Variants in NKAIN2 observed in about 807,000 individuals in gnomAD.
NKAIN2 encodes the protein sodium/potassium transporting ATPase interacting 2, also known as sodium/potassium-transporting ATPase subunit beta-1-interacting protein 2.
NKAIN2 carries 14 observed loss-of-function variants against 32.6 expected under a neutral mutation model. That is an observed-to-expected ratio of 0.43 (90% CI 0.28 to 0.67). The LOEUF is 0.67. NKAIN2 is among the 30% of genes least tolerant of loss of function. NKAIN2 has a pLI of 0.17. For synonymous variants in NKAIN2, 80 were observed against 87.2 expected (o/e 0.92, Z 0.46); for missense variants, 198 against 258.3 (o/e 0.77, Z 1.60).
At chr6:123,870,767 A>G (rs770040786) in intron 1 of NKAIN2, among the ~76,000 whole-genome samples, 2 of 152,144 alleles carry the variant, frequency 1.3e-5, no homozygotes, top group African/African-American at 2.4e-5. Context: ...AAAATATTCT[A>G]CTGTTTTCAG....
chr6:124,744,587 C>G (rs1777370939), intron 4 of NKAIN2, among the ~76,000 whole-genome samples: 1 of 151,662 alleles, frequency 6.6e-6, no homozygotes, highest in African/African-American at 2.4e-5. Context: ...GTAGTGAACA[C>G]CAGATATTTC....
intron 1 of NKAIN2, among the ~76,000 whole-genome samples, chr6:123,911,810 TATACACACACACACACAC>T (rs1775212638): frequency 1.1e-5 from 1 of 94,312 alleles, no homozygotes; most frequent in African/African-American, 5.6e-5. Context: ...TGTATATATA[TATACACACACACACACAC>T]ACACACACAC....
At chr6:124,535,528 C>G (rs527926332) in intron 3 of NKAIN2, among the ~76,000 whole-genome samples, 3 of 152,178 alleles carry the variant, frequency 2.0e-5, no homozygotes, top group Non-Finnish European at 4.4e-5. Flanking sequence ...ACAAAGCCAA[C>G]GACTTCCTTT....
At chr6:124,803,789 C>G (rs921518621) in intron 5 of NKAIN2, among the ~76,000 whole-genome samples, 1 of 152,098 alleles carries the variant, frequency 6.6e-6, no homozygotes, top group African/African-American at 2.4e-5. Context: ...ACTCTCCTAG[C>G]CTTGGAAATG....
chr6:123,914,461 C>T (rs879456207), intron 1 of NKAIN2, among the ~76,000 whole-genome samples: 11 of 152,060 alleles, frequency 7.2e-5, no homozygotes, highest in African/African-American at 2.2e-4. Flanking sequence ...CAGGGACCCA[C>T]CATTATGGCT....
In NKAIN2 at chr6:124,281,409, A is replaced by G. The variant is rs527253747; in HGVS notation, c.55-1596A>G. ...GTCTCATTTCTACAAAACGTTAACTATATGAGAAAGTTGAAGGAATGGCTC... is the reference window on the plus strand; with the variant it reads ...GTCTCATTTCTACAAAACGTTAACTGTATGAGAAAGTTGAAGGAATGGCTC... On this transcript the variant is annotated intron_variant, in intron 1 of 6. Transcript: ENST00000368417. Among the ~76,000 whole-genome samples the G allele has an allele frequency of 2.6e-5, 4 of 152,326 alleles. No homozygotes were observed. The South Asian group carries it at 6.2e-4, about 24-fold the overall frequency.
chr6:123,972,058 T>C (rs969185276), intron 1 of NKAIN2, among the ~76,000 whole-genome samples: 1 of 152,194 alleles, frequency 6.6e-6, no homozygotes, highest in African/African-American at 2.4e-5. Context: ...AAGAGAGGAT[T>C]CCATTTCCAC....
intron 3 of NKAIN2, among the ~76,000 whole-genome samples, chr6:124,517,732 T>A (rs956479204): frequency 6.6e-6 from 1 of 152,188 alleles, no homozygotes; most frequent in African/African-American, 2.4e-5. Flanking sequence ...CAATTGATTC[T>A]GAGTTTTTAA....
chr6:124,537,611 T>C (rs1779763641), intron 3 of NKAIN2, among the ~76,000 whole-genome samples: 1 of 152,222 alleles, frequency 6.6e-6, no homozygotes, highest in South Asian at 2.1e-4. Flanking sequence ...CTATCTTTTG[T>C]GTATGCTTGA....
chr6:124,744,999 T>G (rs960077306), intron 4 of NKAIN2, among the ~76,000 whole-genome samples: 3 of 151,860 alleles, frequency 2.0e-5, no homozygotes, highest in Non-Finnish European at 4.4e-5. Flanking sequence ...ATCAAGCCCA[T>G]AAAACGCCAG....
At chr6:124,250,403 A>G (rs564608273) in intron 1 of NKAIN2, among the ~76,000 whole-genome samples, 4 of 152,240 alleles carry the variant, frequency 2.6e-5, no homozygotes, top group South Asian at 4.1e-4. Context: ...TAGGCATACC[A>G]TAATAAAACT....
chr6:124,053,874 C>G (rs1782520455), intron 1 of NKAIN2, among the ~76,000 whole-genome samples: 1 of 151,728 alleles, frequency 6.6e-6, no homozygotes, highest in Non-Finnish European at 1.5e-5. Flanking sequence ...CAATTGTTAC[C>G]CATACAAATT....
At chr6:124,683,789 G>A (rs1488042587) in intron 4 of NKAIN2, among the ~76,000 whole-genome samples, 1 of 152,190 alleles carries the variant, frequency 6.6e-6, no homozygotes, top group Non-Finnish European at 1.5e-5. Flanking sequence ...TTCACAGCAA[G>A]TAGGAAAAAC....
intron 1 of NKAIN2, among the ~76,000 whole-genome samples, chr6:123,807,179 C>T (rs553107598): frequency 6.6e-5 from 10 of 152,078 alleles, no homozygotes; most frequent in Admixed American, 1.3e-4. Context: ...TCAGGAGATC[C>T]GTTTATAAAA....
At chr6:123,903,732 G>A (rs909897431) in intron 1 of NKAIN2, among the ~76,000 whole-genome samples, 1 of 152,012 alleles carries the variant, frequency 6.6e-6, no homozygotes, top group East Asian at 1.9e-4. Context: ...TTGGATATTG[G>A]GAATATGCAA....
At chr6:123,875,268 G>A (rs914070297) in intron 1 of NKAIN2, among the ~76,000 whole-genome samples, 1 of 151,828 alleles carries the variant, frequency 6.6e-6, no homozygotes, top group African/African-American at 2.4e-5. Context: ...TGGTTAAAAC[G>A]TATGAACATG....
At chr6:124,707,290 G>T (rs890334624) in intron 4 of NKAIN2, among the ~76,000 whole-genome samples, 2 of 152,014 alleles carry the variant, frequency 1.3e-5, no homozygotes, top group Non-Finnish European at 2.9e-5. Flanking sequence ...GAATACTGCC[G>T]CAATAAACAT....
chr6:123,928,247 C>T (rs558693295), intron 1 of NKAIN2, among the ~76,000 whole-genome samples: 46 of 152,012 alleles, frequency 3.0e-4, no homozygotes, highest in Non-Finnish European at 5.9e-4. Context: ...CGGGGAACTA[C>T]TAGAGGAAAC....
intron 1 of NKAIN2, among the ~76,000 whole-genome samples, chr6:124,212,872 G>T (rs1445497787): frequency 6.6e-6 from 1 of 151,874 alleles, no homozygotes; most frequent in Non-Finnish European, 1.5e-5. Flanking sequence ...AAAAACCCAG[G>T]AATAACATTC....
Sources: allele counts gnomAD v4.1 joint callset (sites outside exome capture counted in the v4.1 genomes callset), GRCh38; gene constraint gnomAD v4.1.1; transcripts MANE v1.5; gene names NCBI Gene and HGNC (gene_info 2026-07-23, HGNC 2026-07-21).